Variants in SHANK2 observed in about 807,000 individuals in gnomAD.
SHANK2 encodes the protein SH3 and multiple ankyrin repeat domains protein 2.
In SHANK2, 43 loss-of-function variants were observed where a neutral mutation model predicts 133.7. That is an observed-to-expected ratio of 0.32 (90% CI 0.25 to 0.41). The LOEUF is 0.41. Among genes scored for constraint, SHANK2 ranks in the 10% least tolerant of loss-of-function variants. The pLI is 1.00. For synonymous variants in SHANK2, 1,017 were observed against 952.8 expected (o/e 1.07, Z -1.24); for missense variants, 1,994 against 2,235.8 (o/e 0.89, Z 2.18).
intron 2 of SHANK2, among the ~76,000 whole-genome samples, chr11:71,180,072 C>T (rs1953526248): frequency 6.6e-6 from 1 of 152,196 alleles, no homozygotes; most frequent in Admixed American, 6.5e-5. Flanking sequence ...CACGCTGTAA[C>T]CTGCCTGCCA....
chr11:71,189,736 A>G (rs1192778655), intron 2 of SHANK2, among the ~76,000 whole-genome samples: 1 of 152,220 alleles, frequency 6.6e-6, no homozygotes, highest in African/African-American at 2.4e-5. Flanking sequence ...CAGAGAGGAC[A>G]AGCTCTGTAT....
At chr11:71,158,800 T>C (rs1555109444) in intron 2 of SHANK2, among the ~76,000 whole-genome samples, 1 of 152,214 alleles carries the variant, frequency 6.6e-6, no homozygotes, top group Non-Finnish European at 1.5e-5. Flanking sequence ...GCTGGGCTTG[T>C]AAATATCAGA....
At chr11:70,627,230 G>C (rs1477901992) in intron 17 of SHANK2, among the ~76,000 whole-genome samples, 1 of 152,180 alleles carries the variant, frequency 6.6e-6, no homozygotes, top group Non-Finnish European at 1.5e-5. Flanking sequence ...CTGAAGTTAG[G>C]TGCGGCCAAG....
chr11:71,132,125 A>G (rs12280157), intron 3 of SHANK2, among the ~76,000 whole-genome samples: 19,226 of 152,218 alleles, frequency 0.13, 3,162 homozygotes, highest in African/African-American at 0.39. Context: ...GATGCTGCTC[A>G]GAAGCTGTGG....
At chr11:70,911,578 C>T (rs1337868715) in intron 10 of SHANK2, among the ~76,000 whole-genome samples, 1 of 152,038 alleles carries the variant, frequency 6.6e-6, no homozygotes. Flanking sequence ...CCATTGCTAT[C>T]ATTAGAATAA....
chr11:70,947,722 G>A (rs1590863695), intron 10 of SHANK2, among the ~76,000 whole-genome samples: 1 of 152,086 alleles, frequency 6.6e-6, no homozygotes, highest in East Asian at 1.9e-4. Flanking sequence ...TGCGTCCTGT[G>A]GTTACTGGAC....
rs370307151 is a variant in SHANK2, at chr11:70,482,787, A to G, written c.4979+2527T>C. On this transcript the variant is annotated intron_variant, in intron 25 of 25. Transcript: ENST00000601538. ...CGGTGGTATGCAGCTGCTCTCCTTC[A>G]GAGTACAGCAGGATTCTGCCCTATG... Among the ~76,000 whole-genome samples the G allele has an allele frequency of 1.5e-3, 228 of 152,294 alleles. 1 individual carries two copies. Among genetic ancestry groups the G allele is most frequent in the African/African-American group, 5.3e-3 (222 of 41,556 alleles).
intron 17 of SHANK2, among the ~76,000 whole-genome samples, chr11:70,590,892 C>A (rs1456225069): frequency 6.6e-6 from 1 of 152,200 alleles, no homozygotes; most frequent in Non-Finnish European, 1.5e-5. Flanking sequence ...GAGAGTCATC[C>A]TGGAGTTAAC....
intron 10 of SHANK2, among the ~76,000 whole-genome samples, chr11:70,948,658 C>T (rs1040115662): frequency 6.6e-6 from 1 of 152,200 alleles, no homozygotes; most frequent in African/African-American, 2.4e-5. Flanking sequence ...AGGAGGTGGA[C>T]CAGGGGCGGG....
Position 70,672,064 on chromosome 11 carries a change from T to C in SHANK2, c.1854-10386A>G, listed in dbSNP as rs868926492. The stretch of plus-strand genomic sequence containing the variant: ...TCCCCACCATACTTTTCTTTTCTTT[T>C]TCTTTTTTTTTTTTTTTTAGAGGGA... On this transcript the variant is annotated intron_variant, in intron 15 of 25. Coordinates refer to ENST00000601538, the MANE Select transcript of SHANK2 (RefSeq NM_012309.5). Among the ~76,000 whole-genome samples the C allele has an allele frequency of 9.0e-5, 10 of 111,526 alleles. No individual in the cohort carries two copies. In the South Asian group the frequency reaches 2.1e-3, roughly 23 times the overall value. The allele number at this position is 111,526 out of a possible 152,430, so 73.2% of individuals were successfully genotyped here.
chr11:70,776,755 C>T (rs141948419), intron 14 of SHANK2, among the ~76,000 whole-genome samples: 2 of 151,548 alleles, frequency 1.3e-5, no homozygotes, highest in East Asian at 3.9e-4. Context: ...CCTATTTATC[C>T]ATCTACTCAC....
intron 14 of SHANK2, among the ~76,000 whole-genome samples, chr11:70,781,146 G>A (rs1947477048): frequency 6.6e-6 from 1 of 150,662 alleles, no homozygotes; most frequent in African/African-American, 2.5e-5. Context: ...AGGGCTGTGA[G>A]ACCCCGGACC....
chr11:70,740,962 T>G (rs1458279698), intron 14 of SHANK2, among the ~76,000 whole-genome samples: 1 of 152,138 alleles, frequency 6.6e-6, no homozygotes, highest in African/African-American at 2.4e-5. Context: ...TGAGACTGAT[T>G]TGATGGGCAG....
intron 17 of SHANK2, among the ~76,000 whole-genome samples, chr11:70,606,603 G>C (rs1280662291): frequency 6.6e-6 from 1 of 151,688 alleles, no homozygotes; most frequent in Non-Finnish European, 1.5e-5. Context: ...GTCCTTTGTG[G>C]GGGGCCAAGT....
At chr11:71,233,687 G>A (rs558545296) in intron 1 of SHANK2, among the ~76,000 whole-genome samples, 25 of 152,222 alleles carry the variant, frequency 1.6e-4, no homozygotes, top group East Asian at 3.9e-4. Flanking sequence ...AAATTTTAAC[G>A]GCATCTGTTA....
chr11:70,517,009 G>T (rs1298552032), intron 17 of SHANK2, among the ~76,000 whole-genome samples: 1 of 152,178 alleles, frequency 6.6e-6, no homozygotes, highest in Non-Finnish European at 1.5e-5. Context: ...GGAGGTGGAG[G>T]TTGCTGTGAG....
At chr11:70,770,593 A>G (rs1300748857) in intron 14 of SHANK2, among the ~76,000 whole-genome samples, 4 of 152,180 alleles carry the variant, frequency 2.6e-5, no homozygotes, top group African/African-American at 9.6e-5. Context: ...CTCAGATGCA[A>G]TTCTGGCCCT....
chr11:70,858,494 T>C (rs1387504174), intron 11 of SHANK2, among the ~76,000 whole-genome samples: 6 of 152,174 alleles, frequency 3.9e-5, no homozygotes, highest in African/African-American at 1.4e-4. Flanking sequence ...GCAAGGCAGA[T>C]TCCAACCTGA....
chr11:70,848,017 G>T (rs1180594299), intron 11 of SHANK2, among the ~76,000 whole-genome samples: 1 of 152,242 alleles, frequency 6.6e-6, no homozygotes, highest in Non-Finnish European at 1.5e-5. Context: ...TTGCTAGAAG[G>T]CATGGCAATG....
Sources: gnomAD v4.1 joint callset for allele counts (sites outside exome capture counted in the v4.1 genomes callset) on GRCh38, gnomAD v4.1.1 for gene constraint, MANE v1.5 for transcripts, NCBI Gene and HGNC (gene_info 2026-07-23, HGNC 2026-07-21) for gene names.